The following PCDHGB5 variants were observed in gnomAD, a reference collection of about 807,000 sequenced individuals.
PCDHGB5 encodes protocadherin gamma subfamily B, 5.
PCDHGB5 carries 48 observed loss-of-function variants against 62.9 expected under a neutral mutation model. That is an observed-to-expected ratio of 0.76 (90% CI 0.61 to 0.97). PCDHGB5 has a LOEUF of 0.97. Among genes scored for constraint, PCDHGB5 ranks in the 50% least tolerant of loss-of-function variants. PCDHGB5 has a pLI of 0.00. For synonymous variants in PCDHGB5, 474 were observed against 511.2 expected, an observed-to-expected ratio of 0.93 and a Z score of 0.98; for missense variants, 1,118 against 1,198.6, an observed-to-expected ratio of 0.93 and a Z score of 0.99.
In PCDHGB5 at chr5:141,404,896, C is replaced by T. The variant is rs182502698; in HGVS notation, c.2397+4372C>T. ...AGAGCCTTGTGGTGGCTGTACAGGA[C>T]CATGGCCAGCCCCCTCTCTCGGCCA... On this transcript the variant is annotated intron_variant, in intron 1 of 3. Transcript: ENST00000617380. The T allele has an allele frequency of 3.7e-5, 59 of 1,613,884 alleles. No homozygotes were observed. The Admixed American group carries it at 8.3e-4, about 23-fold the overall frequency.
At position 141,489,924 on chromosome 5, in the gene PCDHGB5, C is replaced by G. The variant is rs755286650; in HGVS notation, c.2398-4883C>G. ...CAGCCCGCTCAGGGACCACCCTTAT[C>G]TCTGTCATCGTGCTGGACATCAATG... is the stretch of plus-strand genomic sequence containing the variant. On this transcript the variant is annotated intron_variant, in intron 1 of 3. Transcript: ENST00000617380. This position sits in a 1 kb window ranked among gnomAD's most constrained non-coding sequence, Gnocchi z 4.5. 22 of 1,614,226 alleles carry G rather than the reference C, an allele frequency of 1.4e-5. No homozygotes were observed. The highest frequency in any genetic ancestry group is 1.9e-5 in the Non-Finnish European group (22 of 1,180,030).
rs372202008 is a variant in PCDHGB5, at chr5:141,404,550, C to T, written c.2397+4026C>T. The stretch of plus-strand genomic sequence containing the variant: ...TTTAGAGATTTGCAAATGCAGGTGA[C>T]GGCAAGTGACAGTGGAAGCCCACCA... On this transcript the variant is annotated intron_variant, in intron 1 of 3. Coordinates refer to ENST00000617380, the MANE Select transcript of PCDHGB5 (RefSeq NM_018925.3). The T allele has an allele frequency of 2.8e-4, 448 of 1,613,648 alleles. 1 individual carries two copies. The highest frequency in any genetic ancestry group is 9.8e-4 in the South Asian group (89 of 91,080).
At chr5:141,410,418 T>C (rs2095390746) in intron 1 of PCDHGB5, 26 of 1,614,052 alleles carry the variant, frequency 1.6e-5, no homozygotes, top group Non-Finnish European at 2.2e-5. Context: ...GGACCTGTAG[T>C]TCCCCCCAAC....
Position 141,491,987 on chromosome 5 carries a change from T to A in PCDHGB5, c.2398-2820T>A. The A allele has an allele frequency of 1.4e-6, 1 of 736,922 alleles. No individual in the cohort carries two copies. The highest frequency in any genetic ancestry group is 2.0e-6 in the Non-Finnish European group (1 of 490,378). The allele number at this position is 736,922 out of a possible 1,614,324, so 45.6% of individuals were successfully genotyped here. On this transcript the variant is annotated intron_variant, in intron 1 of 3. Coordinates refer to ENST00000617380, the MANE Select transcript of PCDHGB5 (RefSeq NM_018925.3). The surrounding 1 kb of genome is among the most constrained non-coding windows in gnomAD (Gnocchi z 6.9). ...GCCGGGGCCTCCTTCGAGCTTCCGG[T>A]GAATTTCGGGCGATTTCCGCGGGTG...
chr5:141,419,746 G>A (rs1561783927), intron 1 of PCDHGB5: 2 of 1,613,896 alleles, frequency 1.2e-6, no homozygotes, highest in Admixed American at 1.7e-5. Context: ...TGCGCATGGT[G>A]CGTGCTTTGG....
chr5:141,409,736 G>A (rs1053484390), intron 1 of PCDHGB5: 3 of 1,613,110 alleles, frequency 1.9e-6, no homozygotes, highest in Non-Finnish European at 2.5e-6. Flanking sequence ...CGCGCAGAGC[G>A]GGGTGGTGTT....
At chr5:141,412,434 A>C (rs2095556498) in intron 1 of PCDHGB5, 1 of 152,240 alleles carries the variant, frequency 6.6e-6, no homozygotes, top group Admixed American at 6.5e-5. Flanking sequence ...CAAAAAGGTT[A>C]ATTAAGGCTC....
chr5:141,417,550 A>G, intron 1 of PCDHGB5: 1 of 326,094 alleles, frequency 3.1e-6, no homozygotes, highest in Non-Finnish European at 5.5e-6. Flanking sequence ...ATTCCTTGAA[A>G]GAGGTAGAGA....
intron 1 of PCDHGB5, among the ~76,000 whole-genome samples, chr5:141,470,459 AT>A: frequency 6.6e-6 from 1 of 152,096 alleles, no homozygotes; most frequent in East Asian, 1.9e-4. Flanking sequence ...CTTGAATAGG[AT>A]TTTCTGATAT....
intron 1 of PCDHGB5, among the ~76,000 whole-genome samples, chr5:141,465,505 G>A (rs905617997): frequency 6.6e-6 from 1 of 152,190 alleles, no homozygotes; most frequent in Non-Finnish European, 1.5e-5. Flanking sequence ...CATTGTCGTG[G>A]TCAGGAAGGA....
At chr5:141,424,215 G>T in intron 1 of PCDHGB5, 1 of 167,104 alleles carries the variant, frequency 6.0e-6, no homozygotes. Flanking sequence ...TTTTCTCTGA[G>T]CAATTTTATT....
intron 1 of PCDHGB5, among the ~76,000 whole-genome samples, chr5:141,445,320 A>G (rs1462989860): frequency 1.3e-5 from 2 of 152,188 alleles, no homozygotes; most frequent in Non-Finnish European, 2.9e-5. Flanking sequence ...GGTTGAGAGA[A>G]CCCATCCAGA....
chr5:141,472,263 C>T (rs978647191), intron 1 of PCDHGB5, among the ~76,000 whole-genome samples: 7 of 152,144 alleles, frequency 4.6e-5, no homozygotes, highest in South Asian at 2.1e-4. Flanking sequence ...ATATTATAGC[C>T]GGGCACAGTG....
At chr5:141,421,034 C>G (rs2096540283) in intron 1 of PCDHGB5, 2 of 538,266 alleles carry the variant, frequency 3.7e-6, no homozygotes, top group Non-Finnish European at 6.4e-6. Context: ...CATTGAGTCC[C>G]TCCCTCCCCC....
rs2099612736 is a variant in PCDHGB5 at position 141,485,393 on chromosome 5, C to T, written c.2398-9414C>T. The T allele has an allele frequency of 6.2e-7, 1 of 1,614,154 alleles. No homozygotes were observed. The highest frequency in any genetic ancestry group is 1.7e-5 in the Admixed American group (1 of 60,020). ...GGTCGCTGGAGAGGTGAACCAAAGA[C>T]ACTTCCGTGTGGATTTGGACAGCGG... On this transcript the variant is annotated intron_variant, in intron 1 of 3. Coordinates refer to ENST00000617380, the MANE Select transcript of PCDHGB5 (RefSeq NM_018925.3). The surrounding 1 kb of genome is among the most constrained non-coding windows in gnomAD (Gnocchi z 5.7).
chr5:141,405,359 G>A, intron 1 of PCDHGB5: 2 of 1,614,018 alleles, frequency 1.2e-6, no homozygotes, highest in Non-Finnish European at 1.7e-6. Context: ...TCCTATAGAA[G>A]ACACCCCTTT....
chr5:141,411,859 C>CA (rs553337516), intron 1 of PCDHGB5: 8,585 of 145,752 alleles, frequency 0.059, 330 homozygotes, highest in Non-Finnish European at 0.088. Context: ...GACCCTGTCT[C>CA]AAAAAAAAAA....
chr5:141,436,287 T>A (rs565612572), intron 1 of PCDHGB5, among the ~76,000 whole-genome samples: 1 of 152,262 alleles, frequency 6.6e-6, no homozygotes, highest in Admixed American at 6.5e-5. Context: ...TAGGAACAAA[T>A]CATTGAGAGT....
In PCDHGB5 at chr5:141,489,261, A is replaced by C; in HGVS notation, c.2398-5546A>C. 6.4e-7 allele frequency: 1 copy of C among 1,551,956 alleles called. No individual in the cohort carries two copies. Among genetic ancestry groups the C allele is most frequent in the East Asian group, 2.2e-5 (1 of 44,450 alleles). Reference sequence around the variant, plus strand: ...GGGTCATGGGGCCCAAGACACTCCCACAGCTCGCTGGGAAATGGCAAGTGC... The same window carrying C: ...GGGTCATGGGGCCCAAGACACTCCCCCAGCTCGCTGGGAAATGGCAAGTGC... On this transcript the variant is annotated intron_variant, in intron 1 of 3. Coordinates refer to ENST00000617380, the MANE Select transcript of PCDHGB5 (RefSeq NM_018925.3). The surrounding 1 kb of genome is among the most constrained non-coding windows in gnomAD (Gnocchi z 4.5).
Sources: gnomAD v4.1 joint callset for allele counts (sites outside exome capture counted in the v4.1 genomes callset) on GRCh38, gnomAD v4.1.1 for gene constraint, Gnocchi (gnomAD v3.1) non-coding constraint, MANE v1.5 for transcripts, NCBI Gene and HGNC (gene_info 2026-07-23, HGNC 2026-07-21) for gene names.